AGMO: variants seen among roughly 807,000 people sequenced by gnomAD.
The protein encoded by AGMO is glyceryl-ether monooxygenase.
A neutral mutation model predicts 60.2 loss-of-function variants in AGMO; 75 were observed. The observed-to-expected ratio is 1.25, with a 90% CI of 1.03 to 1.51. The LOEUF (loss-of-function observed/expected upper bound fraction) is 1.51. AGMO is among the 40% of genes most tolerant of loss of function. AGMO has a pLI of 0.00. For missense variants in AGMO, 763 were observed against 525.5 expected (o/e 1.45, Z -4.42); for synonymous variants, 261 against 177.1 (o/e 1.47, Z -3.76).
chr7:15,394,184 T>G lies in AGMO; in HGVS notation c.610-5A>C, dbSNP rs1784272820. ...AGGACCAAGGTTATTGATGACCTGT[T>G]TAAAACAGAAGGAATATTTATACAT... On this transcript the variant is annotated splice_polypyrimidine_tract_variant and splice_region_variant and intron_variant, in intron 5 of 12. Coordinates refer to ENST00000342526, the MANE Select transcript of AGMO (RefSeq NM_001004320.2). The G allele has an allele frequency of 6.3e-7, 1 of 1,588,854 alleles. No individual in the cohort carries two copies. The highest frequency in any genetic ancestry group is 8.6e-7 in the Non-Finnish European group (1 of 1,157,576).
At chr7:15,162,019 A>T in the AGMO span, among the ~76,000 whole-genome samples, 1 of 152,062 alleles carries the variant, frequency 6.6e-6, no homozygotes, top group African/African-American at 2.4e-5. Flanking sequence ...GTGGTAGGTG[A>T]CTGGATCATG....
intron 12 of AGMO, among the ~76,000 whole-genome samples, chr7:15,202,458 C>CA (rs71004370): frequency 0.034 from 1,528 of 45,226 alleles, 100 homozygotes; most frequent in East Asian, 0.11. Flanking sequence ...TACAAATGAG[C>CA]AAAAAAAAAA....
intron 3 of AGMO, among the ~76,000 whole-genome samples, chr7:15,518,307 C>T (rs1368129448): frequency 1.3e-5 from 2 of 152,184 alleles, no homozygotes; most frequent in African/African-American, 4.8e-5. Context: ...CCTAGCACAG[C>T]ACTGGAGCTC....
At chr7:15,152,232 G>T in the AGMO span, among the ~76,000 whole-genome samples, 1 of 151,690 alleles carries the variant, frequency 6.6e-6, no homozygotes, top group Admixed American at 6.6e-5. Context: ...TTTTGTTTTT[G>T]TTTTCTTTTA....
chr7:15,538,543 T>C (rs935145624), intron 3 of AGMO, among the ~76,000 whole-genome samples: 3 of 152,102 alleles, frequency 2.0e-5, no homozygotes, highest in Non-Finnish European at 4.4e-5. Context: ...ATACCTTCCA[T>C]AGTGTATTTT....
At chr7:15,341,227 C>T (rs567076109) in intron 12 of AGMO, among the ~76,000 whole-genome samples, 15 of 152,276 alleles carry the variant, frequency 9.9e-5, no homozygotes, top group African/African-American at 3.6e-4. Flanking sequence ...TTTTCTACTG[C>T]ATCATTAGGC....
chr7:15,153,454 C>A, the AGMO span, among the ~76,000 whole-genome samples: 1 of 152,100 alleles, frequency 6.6e-6, no homozygotes, highest in African/African-American at 2.4e-5. Context: ...ATGTTATCTT[C>A]CAGAATGTTT....
the AGMO span, among the ~76,000 whole-genome samples, chr7:15,169,667 C>T: frequency 6.6e-6 from 1 of 152,010 alleles, no homozygotes. Flanking sequence ...GAACTCTTGA[C>T]CTCAAGTGAT....
intron 12 of AGMO, among the ~76,000 whole-genome samples, chr7:15,343,761 A>G (rs1781938494): frequency 6.6e-6 from 1 of 152,152 alleles, no homozygotes; most frequent in Admixed American, 6.5e-5. Context: ...ATTTGGTGTT[A>G]GTGTCTACCT....
chr7:15,317,730 T>C (rs998562222), intron 12 of AGMO, among the ~76,000 whole-genome samples: 14 of 151,836 alleles, frequency 9.2e-5, no homozygotes, highest in African/African-American at 3.4e-4. Context: ...GTGTCTGTTA[T>C]AAGAAGTAGT....
Position 15,373,859 on chromosome 7 carries a change from A to G in AGMO, c.1075-7637T>C, listed in dbSNP as rs139259551. Among the ~76,000 whole-genome samples the G allele has an allele frequency of 9.7e-3, 1,484 of 152,310 alleles. 23 individuals carry two copies. Among genetic ancestry groups the G allele is most frequent in the African/African-American group, 0.034 (1,393 of 41,562 alleles). On this transcript the variant is annotated intron_variant, in intron 10 of 12. Coordinates refer to ENST00000342526, the MANE Select transcript of AGMO (RefSeq NM_001004320.2). ...CTAAAAGGTGCCTGACAAGGTCTAC[A>G]AAAGTTATTATTTTGATTAATGCTC...
chr7:15,264,828 T>C (rs1432819270), intron 12 of AGMO, among the ~76,000 whole-genome samples: 1 of 152,144 alleles, frequency 6.6e-6, no homozygotes, highest in Non-Finnish European at 1.5e-5. Flanking sequence ...TATACCTTGT[T>C]GGTGGGAACA....
At chr7:15,135,750 C>CTTAA in the AGMO span, among the ~76,000 whole-genome samples, 64,802 of 151,172 alleles carry the variant, frequency 0.43, 14,175 homozygotes, top group South Asian at 0.56. Context: ...TCCTCTATTT[C>CTTAA]TTAATATGTC....
At chr7:15,198,489 C>T (rs113392164), downstream of AGMO, among the ~76,000 whole-genome samples, 3,072 of 152,230 alleles carry the variant, frequency 0.02, 50 homozygotes, top group Non-Finnish European at 0.034. Context: ...CCAATGGGTT[C>T]ATTGCCTGCT....
At chr7:15,402,220 C>A (rs1415941852) in intron 5 of AGMO, among the ~76,000 whole-genome samples, 1 of 152,018 alleles carries the variant, frequency 6.6e-6, no homozygotes, top group Non-Finnish European at 1.5e-5. Context: ...AATATGTACA[C>A]CATAATTACT....
chr7:15,275,376 A>G (rs1001257598), intron 12 of AGMO, among the ~76,000 whole-genome samples: 2 of 152,070 alleles, frequency 1.3e-5, no homozygotes, highest in African/African-American at 4.8e-5. Context: ...TTGATTTCTA[A>G]TTTTATTCCA....
intron 12 of AGMO, among the ~76,000 whole-genome samples, chr7:15,297,245 C>T (rs1434209657): frequency 6.6e-6 from 1 of 152,116 alleles, no homozygotes; most frequent in East Asian, 1.9e-4. Context: ...CAAAGACCAA[C>T]CCTACTGACA....
At chr7:15,518,837 G>C (rs1392501596) in intron 3 of AGMO, among the ~76,000 whole-genome samples, 1 of 151,908 alleles carries the variant, frequency 6.6e-6, no homozygotes, top group African/African-American at 2.4e-5. Flanking sequence ...TACAGAAGTA[G>C]GCTTTCAGAA....
intron 5 of AGMO, among the ~76,000 whole-genome samples, chr7:15,408,596 G>A (rs1390245579): frequency 6.6e-6 from 1 of 151,794 alleles, no homozygotes; most frequent in African/African-American, 2.4e-5. Context: ...ACACATTGGG[G>A]CTCTTCCAAG....
Sources: allele counts gnomAD v4.1 joint callset (sites outside exome capture counted in the v4.1 genomes callset), GRCh38; gene constraint gnomAD v4.1.1; transcripts MANE v1.5; gene names NCBI Gene and HGNC (gene_info 2026-07-23, HGNC 2026-07-21).